The following F5 variants were observed in gnomAD, a reference collection of about 807,000 sequenced individuals.
F5 encodes the protein activated protein c cofactor.
F5 carries 138 observed loss-of-function variants against 216.4 expected under a neutral mutation model. That is an observed-to-expected ratio of 0.64 (90% CI 0.56 to 0.73). The LOEUF (loss-of-function observed/expected upper bound fraction) is 0.73, where lower values mean the gene tolerates loss of function less well. Among genes scored for constraint, F5 ranks in the 30% least tolerant of loss-of-function variants. The pLI, the probability that F5 is intolerant of heterozygous loss-of-function variation, is 0.00. For missense variants in F5, 2,403 were observed against 2,674.0 expected (o/e 0.90, Z 2.24); for synonymous variants, 916 against 930.7 (o/e 0.98, Z 0.29).
chr1:169,567,120 T>C (rs942815532), intron 3 of F5, among the ~76,000 whole-genome samples: 33 of 151,966 alleles, frequency 2.2e-4, no homozygotes, highest in South Asian at 8.3e-4. Flanking sequence ...TTCCAGGTTG[T>C]AGACTGCCAT....
At chr1:169,521,098 A>G (rs1438024811) in intron 21 of F5, among the ~76,000 whole-genome samples, 1 of 152,202 alleles carries the variant, frequency 6.6e-6, no homozygotes, top group Non-Finnish European at 1.5e-5. Flanking sequence ...TAACCAAAGT[A>G]CCAGTAAAGG....
chr1:169,514,533 G>T, intron 24 of F5, 74 bp from the exon 25 acceptor site: 1 of 1,308,764 alleles, frequency 7.6e-7, no homozygotes, highest in Non-Finnish European at 1.1e-6. Context: ...TTTTTTTTTA[G>T]ACAGGGTCTT....
At chr1:169,538,805 G>A (rs1659765312) in intron 13 of F5, among the ~76,000 whole-genome samples, 1 of 152,108 alleles carries the variant, frequency 6.6e-6, no homozygotes, top group Non-Finnish European at 1.5e-5. Context: ...TGGGAGGAAG[G>A]CAGATGTGAC....
intron 2 of F5, among the ~76,000 whole-genome samples, chr1:169,581,208 A>G (rs1207543581): frequency 6.6e-6 from 1 of 152,214 alleles, no homozygotes; most frequent in African/African-American, 2.4e-5. Context: ...CGAGAGCTTC[A>G]GAAAGGAAGA....
chr1:169,582,463 A>T lies in F5; in HGVS notation c.218T>A (p.Phe73Tyr), dbSNP rs1336297692. ...KIVYREYEPY[F>Y]KKEKPQSTIS... ...GGTAGATTGTGGTTTTTCTTTCTTAAAATATGGTTCATACTCTCTGTAGAC... is the reference window on the plus strand; with the variant it reads ...GGTAGATTGTGGTTTTTCTTTCTTATAATATGGTTCATACTCTCTGTAGAC... The change falls in exon 2 of 25, where the codon TTT (phenylalanine) becomes TAT (tyrosine). Residue 73 changes from phenylalanine (F) to tyrosine (Y), a missense_variant. By Grantham distance (22) the Phe-to-Tyr change is conservative. Around this residue, in one of 4 missense-constraint regions of F5, gnomAD observed 1,425 missense variants for 1,554.8 expected, o/e 0.92. Transcript: ENST00000367797. 3 of 1,551,448 alleles carry T rather than the reference A, an allele frequency of 1.9e-6. No homozygotes were observed. The Admixed American group carries it at 5.2e-5, about 27-fold the overall frequency.
intron 2 of F5, among the ~76,000 whole-genome samples, chr1:169,578,123 C>T (rs1354543904): frequency 6.6e-6 from 1 of 152,186 alleles, no homozygotes; most frequent in Non-Finnish European, 1.5e-5. Flanking sequence ...GTATCAACTA[C>T]TATAGAGTTA....
At chr1:169,578,815 A>G (rs77417616) in intron 2 of F5, among the ~76,000 whole-genome samples, 9,790 of 152,186 alleles carry the variant, frequency 0.064, 368 homozygotes, top group Middle Eastern at 0.12. Context: ...CTGGCCCCCC[A>G]TGAAGGTGGT....
At position 169,542,628 on chromosome 1, in the gene F5, T is replaced by A. The variant is rs367867100; in HGVS notation, c.2462A>T (p.Asn821Ile). The part of the protein sequence containing the change: ...RHLIGKNSVL[N>I]SSTAEHSSPY... Reference sequence around the variant, plus strand: ...GCTGGAATGCTCTGCTGTGGAAGAATTGAGAACTGAGTTCTTGCCAATGAG... The same window carrying A: ...GCTGGAATGCTCTGCTGTGGAAGAAATGAGAACTGAGTTCTTGCCAATGAG... The change falls in exon 13 of 25, where the codon AAT (asparagine) becomes ATT (isoleucine). Residue 821 changes from asparagine to isoleucine, a missense_variant. This residue lies in a region of F5 where 1,425 missense variants were observed against 1,554.8 expected (regional missense o/e 0.92). Transcript: ENST00000367797. 9.3e-6 allele frequency: 15 copies of A among 1,613,938 alleles called. No individual in the cohort carries two copies. Among genetic ancestry groups the A allele is most frequent in the Non-Finnish European group, 1.1e-5 (13 of 1,179,980 alleles).
At chr1:169,578,541 G>T (rs1660914386) in intron 2 of F5, among the ~76,000 whole-genome samples, 2 of 152,236 alleles carry the variant, frequency 1.3e-5, no homozygotes, top group African/African-American at 4.8e-5. Flanking sequence ...GCTTAGCTTG[G>T]CAAAAGCCAC....
rs1660405186 is a variant in F5 at position 169,559,292 on chromosome 1, G to T, written c.591C>A (p.Thr197=). 6.2e-7 allele frequency: 1 copy of T among 1,613,378 alleles called. No individual in the cohort carries two copies. Among genetic ancestry groups the T allele is most frequent in the African/African-American group, 1.3e-5 (1 of 74,840 alleles). Residue 197 remains threonine, a synonymous_variant, in exon 5 of 25, where the codon ACC becomes ACA. Transcript: ENST00000367797. ...TCTTCTGTGTCCCACCCTCAGTTAGGGTCCCTATGAAAGGAAAGACATGTT... is the reference window on the plus strand; with the variant it reads ...TCTTCTGTGTCCCACCCTCAGTTAGTGTCCCTATGAAAGGAAAGACATGTT... ...IGPLLICKKG[T]LTEGGTQKTF...
intron 18 of F5, 144 bp downstream of exon 18, chr1:169,525,757 C>A: frequency 1.4e-6 from 1 of 718,578 alleles, no homozygotes; most frequent in Non-Finnish European, 2.5e-6. Context: ...GACCATGGGC[C>A]GGAATAAAAG....
At position 169,518,530 on chromosome 1, in the gene F5, T is replaced by C. The variant is rs1236388078; in HGVS notation, c.6227A>G (p.Lys2076Arg). The stretch of plus-strand genomic sequence containing the variant: ...AGCTGTGATTTGCTTGTTTTCTATC[T>C]TTCCATTTTCCATACCCAGGGGTGT... Reference protein sequence around the residue: ...CSTPLGMENGKIENKQITASS... With the variant: ...CSTPLGMENGRIENKQITASS... Residue 2076 changes from lysine (K) to arginine (R), a missense_variant, in exon 23 of 25, where the codon AAG (lysine) becomes AGG (arginine). By Grantham distance (26) the Lys-to-Arg change is conservative. Transcript: ENST00000367797. 1.2e-6 allele frequency: 2 copies of C among 1,613,900 alleles called. No individual in the cohort carries two copies. The highest frequency in any genetic ancestry group is 1.7e-5 in the Admixed American group (1 of 59,994).
intron 2 of F5, 37 bp from the exon 3 acceptor site, chr1:169,572,380 G>A (rs1660746091): frequency 6.2e-7 from 1 of 1,610,606 alleles, no homozygotes; most frequent in Non-Finnish European, 8.5e-7. Flanking sequence ...TCTGTATTCA[G>A]GGTCATCAAA....
Position 169,552,700 on chromosome 1 carries a change from T to C in F5, c.1153A>G (p.Asn385Asp). ...TTCTTATAATGTTTTCCAATTTGGT[T>C]TGAGAAATTATCCAAATGCTGAGAC... ...YRSQHLDNFS[N>D]QIGKHYKKVM... Residue 385 changes from asparagine to aspartate, a missense_variant, in exon 8 of 25, where the codon AAC (asparagine) becomes GAC (aspartate). Asn to Asp is a conservative substitution (Grantham distance 23). Coordinates refer to ENST00000367797, the MANE Select transcript of F5 (RefSeq NM_000130.5). The C allele has an allele frequency of 6.2e-7, 1 of 1,612,426 alleles. No individual in the cohort carries two copies. Among genetic ancestry groups the C allele is most frequent in the Non-Finnish European group, 8.5e-7 (1 of 1,179,480 alleles).
At chr1:169,516,801 A>G (rs1459405126) in intron 23 of F5, among the ~76,000 whole-genome samples, 1 of 152,224 alleles carries the variant, frequency 6.6e-6, no homozygotes, top group Non-Finnish European at 1.5e-5. Context: ...TTTCATGTGA[A>G]TGGAAGGGGG....
rs1659362543 is a variant in F5, at chr1:169,523,642, G to T, written c.5892+159C>A. 2.0e-5 allele frequency among the ~76,000 whole-genome samples: 3 copies of T among 152,278 alleles called. No individual in the cohort carries two copies. The South Asian group carries it at 6.2e-4, about 32-fold the overall frequency. ...ATATTATTAGAACCAACCTCAGAGG[G>T]TTGATTTTAAGGATATAAAGTACTT... On this transcript the variant is annotated intron_variant, in intron 20 of 24. Transcript: ENST00000367797.
At chr1:169,585,553 C>T (rs9332487) in intron 1 of F5, among the ~76,000 whole-genome samples, 2,411 of 151,956 alleles carry the variant, frequency 0.016, 67 homozygotes, top group African/African-American at 0.055. Flanking sequence ...TGAATTAAAC[C>T]TCCTCTCAGT....
rs577687603 is a variant in F5 at position 169,540,730 on chromosome 1, T to G, written c.4360A>C (p.Ile1454Leu). 2.5e-6 allele frequency: 4 copies of G among 1,614,024 alleles called. No individual in the cohort carries two copies. The highest frequency in any genetic ancestry group is 1.7e-5 in the Admixed American group (1 of 59,996). The change falls in exon 13 of 25, where the codon ATA (isoleucine) becomes CTA (leucine). Residue 1454 changes from isoleucine (I) to leucine (L), a missense_variant. By Grantham distance (5) the Ile-to-Leu change is conservative (BLOSUM62 2). This residue lies in a region of F5 where 293 missense variants were observed against 270.8 expected (regional missense o/e 1.08). Transcript: ENST00000367797. Reference protein sequence around the residue: ...DTTLLPDLSQISPPPDLDQIF... With the variant: ...DTTLLPDLSQLSPPPDLDQIF... ...TGATCAAGGTCTGGAGGAGGTGATA[T>G]CTGGCTGAGATCCGGGAGAAGGGTG...
chr1:169,554,377 G>C (rs74124512), intron 7 of F5, among the ~76,000 whole-genome samples: 2 of 152,146 alleles, frequency 1.3e-5, no homozygotes, highest in African/African-American at 2.4e-5. Context: ...TACATACAGA[G>C]TGTTTGCATC....
Sources: allele counts gnomAD v4.1 joint callset (sites outside exome capture counted in the v4.1 genomes callset), GRCh38; gene constraint gnomAD v4.1.1; regional missense constraint gnomAD v4.1.1; transcripts MANE v1.5; gene names NCBI Gene and HGNC (gene_info 2026-07-23, HGNC 2026-07-21).